The following TBX1 variants were observed in gnomAD, a reference collection of about 807,000 sequenced individuals.
TBX1 encodes the protein T-box transcription factor TBX1.
TBX1 carries 16 observed loss-of-function variants against 40.8 expected under a neutral mutation model. The observed-to-expected ratio is 0.39, with a 90% CI of 0.27 to 0.60. TBX1 has a LOEUF of 0.60. TBX1 is among the 20% of genes least tolerant of loss of function. TBX1 has a pLI of 0.51. For synonymous variants in TBX1, 403 were observed against 336.8 expected (o/e 1.20, Z -2.15); for missense variants, 755 against 728.5 (o/e 1.04, Z -0.42).
At chr22:19,763,672 A>AGTCCCCTTCCCC in intron 2 of TBX1, 1 of 434,258 alleles carries the variant, frequency 2.3e-6, no homozygotes. Flanking sequence ...CTGAGCGCCT[A>AGTCCCCTTCCCC]GTCCCCTTCC....
At chr22:19,781,496 CT>C (rs1190438570), downstream of TBX1, among the ~76,000 whole-genome samples, 1 of 152,116 alleles carries the variant, frequency 6.6e-6, no homozygotes, top group Admixed American at 6.5e-5. Context: ...CTGTGGGCTG[CT>C]TTTTTACTCT....
At chr22:19,757,470 G>A (rs1255280270), upstream of TBX1, among the ~76,000 whole-genome samples, 1 of 152,174 alleles carries the variant, frequency 6.6e-6, no homozygotes, top group South Asian at 2.1e-4. Flanking sequence ...CTCACCCACA[G>A]GCCCCACATC....
chr22:19,782,910 CAGGGCT>C (rs1256144976), downstream of TBX1: 1 of 1,613,958 alleles, frequency 6.2e-7, no homozygotes, highest in Non-Finnish European at 8.5e-7. Flanking sequence ...TCCTGGACTC[CAGGGCT>C]GGTCACAGAA....
chr22:19,780,482 T>C (rs41298022), downstream of TBX1, among the ~76,000 whole-genome samples: 1 of 152,350 alleles, frequency 6.6e-6, no homozygotes, highest in East Asian at 1.9e-4. Flanking sequence ...TATTCTGTTG[T>C]ATGTCTGTAC....
chr22:19,757,954 G>T (rs568378720), upstream of TBX1, among the ~76,000 whole-genome samples: 26 of 152,290 alleles, frequency 1.7e-4, no homozygotes, highest in Middle Eastern at 0.017. Context: ...AGGGGTTGTG[G>T]GGGGCAGGAC....
chr22:19,760,318 AAAGG>A (rs1936603396), upstream of TBX1, among the ~76,000 whole-genome samples: 1 of 151,156 alleles, frequency 6.6e-6, no homozygotes. Flanking sequence ...AATAAAGTGA[AAAGG>A]AAGGCGAGGA....
rs940283483 is a variant in TBX1 at position 19,761,120 on chromosome 22, G to T, written c.277G>T (p.Ala93Ser). 7.7e-7 allele frequency: 1 copy of T among 1,299,652 alleles called. No individual in the cohort carries two copies. Among genetic ancestry groups the T allele is most frequent in the South Asian group, 2.1e-5 (1 of 47,692 alleles). The allele number at this position is 1,299,652 out of a possible 1,614,324, so 80.5% of individuals were successfully genotyped here. A position where few individuals can be genotyped will look rare whatever the true frequency, so the allele number is the denominator to read the frequency against. ...CGCCGGGGCCGCCACCAGCGCCGCC[G>T]CCGAGCCCGAGGGCCCCGGGGCCAG... ...PAAGAATSAA[A>S]EPEGPGASCA... Residue 93 changes from alanine (A) to serine (S), a missense_variant, in exon 1 of 7, where the codon GCC becomes TCC. This residue lies in a region of TBX1 where 199 missense variants were observed against 173.0 expected (regional missense o/e 1.15). Coordinates refer to ENST00000649276, the MANE Select transcript of TBX1 (RefSeq NM_001379200.1).
upstream of TBX1, chr22:19,759,565 G>T: frequency 1.3e-6 from 2 of 1,586,456 alleles, no homozygotes; most frequent in South Asian, 1.1e-5. Flanking sequence ...CAGCGGAGGC[G>T]GCGGAGCGCA....
downstream of TBX1, among the ~76,000 whole-genome samples, chr22:19,768,526 T>C (rs191314523): frequency 3.9e-5 from 6 of 152,238 alleles, no homozygotes; most frequent in African/African-American, 1.4e-4. Context: ...AGCACGGCTT[T>C]GGAGATGCAT....
Position 19,766,607 on chromosome 22 carries a change from C to A in TBX1, c.1255C>A (p.Pro419Thr), listed in dbSNP as rs775040109. ...LRLEAPGASE[P>T]LHHHPYKYPA... ...CCTGGAGGCGCCCGGCGCATCGGAG[C>A]CGCTGCACCACCACCCCTACAAATA... The change falls in exon 7 of 7, where the codon CCG becomes ACG. Residue 419 changes from proline (P) to threonine (T), a missense_variant. By Grantham distance (38) the Pro-to-Thr change is conservative. Around this residue, in one of 3 missense-constraint regions of TBX1, gnomAD observed 412 missense variants for 317.6 expected, o/e 1.30. Transcript: ENST00000649276. The A allele has an allele frequency of 1.3e-6, 2 of 1,516,102 alleles. No individual in the cohort carries two copies. The highest frequency in any genetic ancestry group is 1.2e-5 in the South Asian group (1 of 82,334). 93.9% of individuals were successfully genotyped at this position (1,516,102 alleles called of 1,614,324 possible). A position where few individuals can be genotyped will look rare whatever the true frequency, so the allele number is the denominator to read the frequency against.
At chr22:19,763,452 G>A (rs1026526797) in intron 2 of TBX1, 110 bp downstream of exon 2, 2 of 974,800 alleles carry the variant, frequency 2.1e-6, no homozygotes, top group Non-Finnish European at 3.2e-6. Flanking sequence ...AACTCTTTAG[G>A]CACCTGCGAT....
chr22:19,769,133 G>GTATTTT (rs1211634681), downstream of TBX1, among the ~76,000 whole-genome samples: 1 of 151,956 alleles, frequency 6.6e-6, no homozygotes, highest in Non-Finnish European at 1.5e-5. Context: ...GCTAATTTTT[G>GTATTTT]TATTTTTAGT....
At chr22:19,765,540 G>C (rs576065338) in intron 4 of TBX1, among the ~76,000 whole-genome samples, 1 of 152,268 alleles carries the variant, frequency 6.6e-6, no homozygotes, top group East Asian at 1.9e-4. Flanking sequence ...GGACACCAGA[G>C]AGGGGTTCCC....
chr22:19,761,177 A>G lies in TBX1; in HGVS notation c.334A>G (p.Lys112Glu). ...GGCCGCAGCCAAGGCGCCGGTGAAG[A>G]AGAACGCGAAGGTGGCCGGTGTGAG... ...CAAAAKAPVK[K>E]NAKVAGVSVQ... The change falls in exon 1 of 7, where the codon AAG becomes GAG. Residue 112 changes from lysine to glutamate, a missense_variant. By Grantham distance (56) the Lys-to-Glu change is moderately conservative. Coordinates refer to ENST00000649276, the MANE Select transcript of TBX1 (RefSeq NM_001379200.1). The G allele has an allele frequency of 6.5e-7, 1 of 1,531,754 alleles. No individual in the cohort carries two copies. The highest frequency in any genetic ancestry group is 1.9e-5 in the Admixed American group (1 of 53,178). The allele number at this position is 1,531,754 out of a possible 1,614,324, so 94.9% of individuals were successfully genotyped here.
At chr22:19,774,815 G>C (rs998852631) in intron 8 of TBX1, among the ~76,000 whole-genome samples, 19 of 152,192 alleles carry the variant, frequency 1.2e-4, no homozygotes, top group Admixed American at 1.2e-3. Flanking sequence ...GTTAGGGACT[G>C]GGGGAGAGGA....
Position 19,761,151 on chromosome 22 carries a change from C to G in TBX1, c.308C>G (p.Ala103Gly). ...AEPEGPGASC[A>G]AAAKAPVKKN... is the part of the protein sequence containing the mutation. ...CCCGAGGGCCCCGGGGCCAGCTGCG[C>G]GGCCGCAGCCAAGGCGCCGGTGAAG... is the stretch of plus-strand genomic sequence containing the variant. The change falls in exon 1 of 7, where the codon GCG (alanine) becomes GGG (glycine). Residue 103 changes from alanine to glycine, a missense_variant. Transcript: ENST00000649276. 1 of 1,490,956 alleles carries G rather than the reference C, an allele frequency of 6.7e-7. No individual in the cohort carries two copies. Among genetic ancestry groups the G allele is most frequent in the Non-Finnish European group, 9.0e-7 (1 of 1,114,504 alleles). The allele number at this position is 1,490,956 out of a possible 1,614,324, so 92.4% of individuals were successfully genotyped here. A position where few individuals can be genotyped will look rare whatever the true frequency, so the allele number is the denominator to read the frequency against.
intron 1 of TBX1, 57 bp from the exon 2 acceptor site, chr22:19,763,184 G>A: frequency 1.4e-6 from 2 of 1,468,184 alleles, no homozygotes; most frequent in Non-Finnish European, 1.9e-6. Context: ...GCCCCAGGCA[G>A]GTCAAGGGGG....
intron 2 of TBX1, chr22:19,763,670 C>T (rs756716864): frequency 4.5e-6 from 2 of 442,418 alleles, no homozygotes; most frequent in Middle Eastern, 1.3e-3. Flanking sequence ...GCCTGAGCGC[C>T]TAGTCCCCTT....
chr22:19,766,410 A>C lies in TBX1; in HGVS notation c.1058A>C (p.Glu353Ala). ...GCAGACGCGGCTGAGGCCCGGCGAG[A>C]ATTCCAGCGCGACGCGGGCGGGCCA... ...TEKDAAEARR[E>A]FQRDAGGPAV... Residue 353 changes from glutamate to alanine, a missense_variant, in exon 7 of 7, where the codon GAA (glutamate) becomes GCA (alanine). By Grantham distance (107) the Glu-to-Ala change is moderately radical. Coordinates refer to ENST00000649276, the MANE Select transcript of TBX1 (RefSeq NM_001379200.1). 1 of 1,342,718 alleles carries C rather than the reference A, an allele frequency of 7.4e-7. No individual in the cohort carries two copies. The highest frequency in any genetic ancestry group is 9.6e-7 in the Non-Finnish European group (1 of 1,045,688). The allele number at this position is 1,342,718 out of a possible 1,614,324, so 83.2% of individuals were successfully genotyped here.
Sources: allele counts gnomAD v4.1 joint callset (sites outside exome capture counted in the v4.1 genomes callset), GRCh38; gene constraint gnomAD v4.1.1; regional missense constraint gnomAD v4.1.1; transcripts MANE v1.5; gene names NCBI Gene and HGNC (gene_info 2026-07-23, HGNC 2026-07-21).